SLC15A1: variants seen among roughly 807,000 people sequenced by gnomAD.
The protein encoded by SLC15A1 is Caco-2 oligopeptide transporter.
In SLC15A1, 83 loss-of-function variants were observed where a neutral mutation model predicts 92.9. The ratio of observed to expected loss-of-function variants is 0.89; its 90% CI spans 0.75 to 1.07. The LOEUF is 1.07. SLC15A1 is among the 50% of genes least tolerant of loss of function. SLC15A1 has a pLI of 0.00. For missense variants in SLC15A1, 857 were observed against 880.1 expected (o/e 0.97, Z 0.33); for synonymous variants, 322 against 318.2 (o/e 1.01, Z -0.13).
chr13:98,726,027 C>A, intron 4 of SLC15A1, 96 bp downstream of exon 4: 2 of 1,472,462 alleles, frequency 1.4e-6, no homozygotes, highest in South Asian at 1.3e-5. Flanking sequence ...AGTTTCTGTT[C>A]TTTGATTCAT....
In SLC15A1 at chr13:98,706,124, T is replaced by G; in HGVS notation, c.1269+10A>C. 1 of 1,600,920 alleles carries G rather than the reference T, an allele frequency of 6.2e-7. No homozygotes were observed. Reference sequence around the variant, plus strand: ...GATGAAAAAGAAGGCAGCAATTTCCTTCTACTTACTTGAGACATTGGGCCA... The same window carrying G: ...GATGAAAAAGAAGGCAGCAATTTCCGTCTACTTACTTGAGACATTGGGCCA... On this transcript the variant is annotated intron_variant, in intron 16 of 22. Transcript: ENST00000376503.
At chr13:98,726,707 C>T in intron 2 of SLC15A1, 136 bp downstream of exon 2, 2 of 907,852 alleles carry the variant, frequency 2.2e-6, no homozygotes, top group East Asian at 2.4e-5. Flanking sequence ...GAGAGGACAT[C>T]TCACATGGAA....
intron 10 of SLC15A1, among the ~76,000 whole-genome samples, chr13:98,712,205 C>A (rs1269534480): frequency 6.6e-6 from 1 of 152,186 alleles, no homozygotes; most frequent in Non-Finnish European, 1.5e-5. Flanking sequence ...ACCGCCGTCA[C>A]CACCTCTTGA....
intron 11 of SLC15A1, 59 bp from the exon 12 acceptor site, chr13:98,709,970 A>T: frequency 6.6e-7 from 1 of 1,525,370 alleles, no homozygotes; most frequent in Non-Finnish European, 9.1e-7. Context: ...AAATTTTACA[A>T]GTCAATGGTG....
intron 8 of SLC15A1, among the ~76,000 whole-genome samples, chr13:98,716,347 C>T (rs7983080): frequency 0.067 from 10,199 of 152,162 alleles, 423 homozygotes; most frequent in Admixed American, 0.11. Flanking sequence ...TGGGGCCAGG[C>T]GCGGTGGCTC....
At chr13:98,711,801 G>C in intron 11 of SLC15A1, 53 bp downstream of exon 11, 1 of 1,343,156 alleles carries the variant, frequency 7.4e-7, no homozygotes, top group South Asian at 1.2e-5. Flanking sequence ...ACCTGGCAGT[G>C]CGGGATGTAC....
In SLC15A1 at chr13:98,727,092, T is replaced by G. The variant is rs145853592; in HGVS notation, c.5-233A>C. On this transcript the variant is annotated intron_variant, in intron 1 of 22. Transcript: ENST00000376503. ...GGCAATTCTCGTATGCAGTCAAAATTGAGAAGCAGCAGCTCAGAGAATCAG... is the reference window on the plus strand; with the variant it reads ...GGCAATTCTCGTATGCAGTCAAAATGGAGAAGCAGCAGCTCAGAGAATCAG... Among the ~76,000 whole-genome samples, 107 of 152,278 alleles carry G rather than the reference T, an allele frequency of 7.0e-4. No individual in the cohort carries two copies. The East Asian group carries it at 0.019, about 27-fold the overall frequency.
intron 18 of SLC15A1, among the ~76,000 whole-genome samples, chr13:98,694,512 C>T (rs945161753): frequency 2.6e-5 from 4 of 151,554 alleles, no homozygotes; most frequent in African/African-American, 9.7e-5. Context: ...ATAGTGGGTG[C>T]ATGCTCAAAA....
intron 1 of SLC15A1, among the ~76,000 whole-genome samples, chr13:98,730,266 AAGGGGAGGGGAAGGGGAGGG>A (rs2088338571): frequency 5.1e-5 from 1 of 19,720 alleles, no homozygotes; most frequent in African/African-American, 2.7e-4. Flanking sequence ...AGGGGAGGGG[AAGGGGAGGGGAAGGGGAGGG>A]GAAGGGGAGG....
intron 1 of SLC15A1, among the ~76,000 whole-genome samples, chr13:98,752,042 G>C (rs767500793): frequency 1.3e-5 from 2 of 152,208 alleles, no homozygotes; most frequent in Admixed American, 6.5e-5. Flanking sequence ...GCCCCATCAA[G>C]AGCCAGCTCC....
chr13:98,710,048 T>A, intron 11 of SLC15A1, 137 bp from the exon 12 acceptor site: 3 of 793,340 alleles, frequency 3.8e-6, no homozygotes, highest in South Asian at 3.3e-5. Context: ...AACATCAAGT[T>A]AATCTCCCAG....
At chr13:98,699,732 C>T (rs1396714766) in intron 18 of SLC15A1, among the ~76,000 whole-genome samples, 3 of 152,128 alleles carry the variant, frequency 2.0e-5, no homozygotes, top group Non-Finnish European at 2.9e-5. Flanking sequence ...CTCCAACCAG[C>T]GATGCAGGGG....
At chr13:98,729,757 A>C (rs1232859841) in intron 1 of SLC15A1, among the ~76,000 whole-genome samples, 1 of 152,194 alleles carries the variant, frequency 6.6e-6, no homozygotes, top group Non-Finnish European at 1.5e-5. Context: ...ACCCTGGCAG[A>C]GGAACTCCCT....
intron 4 of SLC15A1, 119 bp downstream of exon 4, chr13:98,726,003 TG>T: frequency 7.7e-7 from 1 of 1,295,746 alleles, no homozygotes; most frequent in Non-Finnish European, 1.1e-6. Context: ...ATACCACACC[TG>T]GCCTCTCCTA....
intron 1 of SLC15A1, among the ~76,000 whole-genome samples, chr13:98,740,192 G>A (rs895463134): frequency 4.6e-5 from 7 of 152,214 alleles, no homozygotes; most frequent in Admixed American, 4.6e-4. Flanking sequence ...GCTAGGGAGA[G>A]TGAAGGTCCT....
At chr13:98,746,679 G>T (rs2088495765) in intron 1 of SLC15A1, among the ~76,000 whole-genome samples, 1 of 152,166 alleles carries the variant, frequency 6.6e-6, no homozygotes, top group African/African-American at 2.4e-5. Flanking sequence ...CCTTCTTATG[G>T]AAGTACATTT....
At chr13:98,712,938 C>T (rs1272675076) in intron 9 of SLC15A1, among the ~76,000 whole-genome samples, 1 of 152,074 alleles carries the variant, frequency 6.6e-6, no homozygotes, top group Non-Finnish European at 1.5e-5. Context: ...CATGATAAAC[C>T]CCACTATGAT....
At position 98,704,314 on chromosome 13, in the gene SLC15A1, A is replaced by G. The variant is rs762943785; in HGVS notation, c.1391T>C (p.Val464Ala). Residue 464 changes from valine to alanine, a missense_variant, in exon 17 of 23, where the codon GTG becomes GCG. Coordinates refer to ENST00000376503, the MANE Select transcript of SLC15A1 (RefSeq NM_005073.4). Reference sequence around the variant, plus strand: ...CACCTGGTAGTGATTGGGGGCCCACACTAGAAGCGTGTGGCGTTGGCCCTG... The same window carrying G: ...CACCTGGTAGTGATTGGGGGCCCACGCTAGAAGCGTGTGGCGTTGGCCCTG... ...FKQGQRHTLL[V>A]WAPNHYQVVK... is the part of the protein sequence containing the mutation. The G allele has an allele frequency of 3.1e-6, 5 of 1,612,816 alleles. No individual in the cohort carries two copies. Among genetic ancestry groups the G allele is most frequent in the South Asian group, 2.2e-5 (2 of 90,896 alleles).
intron 16 of SLC15A1, among the ~76,000 whole-genome samples, chr13:98,705,007 T>C (rs2088100294): frequency 1.3e-5 from 2 of 152,060 alleles, no homozygotes; most frequent in South Asian, 4.2e-4. Context: ...GAGACCAGCC[T>C]GGCCAACATG....
Sources: allele counts gnomAD v4.1 joint callset (sites outside exome capture counted in the v4.1 genomes callset), GRCh38; gene constraint gnomAD v4.1.1; transcripts MANE v1.5; gene names NCBI Gene and HGNC (gene_info 2026-07-23, HGNC 2026-07-21).